CERS1: variants seen among roughly 807,000 people sequenced by gnomAD.
CERS1 encodes the protein ceramide synthase 1, also known as Embryonic growth/differentiation factor 1.
In CERS1, 16 loss-of-function variants were observed where a neutral mutation model predicts 35.7. That is an observed-to-expected ratio of 0.45 (90% confidence interval 0.30 to 0.68). CERS1 has a LOEUF of 0.68. Among genes scored for constraint, CERS1 ranks in the 30% least tolerant of loss-of-function variants. CERS1 has a pLI of 0.08. For missense variants in CERS1, 454 were observed against 453.9 expected, an observed-to-expected ratio of 1.00 and a Z score of 0.00; for synonymous variants, 243 against 201.6, an observed-to-expected ratio of 1.21 and a Z score of -1.74.
chr19:18,887,360 G>T (rs1568304019), intron 2 of CERS1, among the ~76,000 whole-genome samples: 1 of 152,188 alleles, frequency 6.6e-6, no homozygotes, highest in Non-Finnish European at 1.5e-5. Context: ...GGAGAGGACT[G>T]GTGAGTGACT....
intron 2 of CERS1, among the ~76,000 whole-genome samples, chr19:18,890,989 T>A (rs1461716408): frequency 2.0e-5 from 3 of 151,904 alleles, no homozygotes; most frequent in Non-Finnish European, 4.4e-5. Context: ...CCGAGGGTGG[T>A]GGCGCGTGCC....
chr19:18,884,525 A>C (rs2146034731), intron 2 of CERS1, among the ~76,000 whole-genome samples: 1 of 150,612 alleles, frequency 6.6e-6, no homozygotes, highest in Non-Finnish European at 1.5e-5. Flanking sequence ...CTCCTGCTTC[A>C]GCCTCCTGAG....
Position 18,878,801 on chromosome 19 carries a change from G to A in CERS1, c.1010+129C>T. ...CGCCTTTATTGCAGTCTCTGTTTTG[G>A]AGTAGGCTTGGGGGGCAGCATCCGC... On this transcript the variant is annotated intron_variant, in intron 6 of 7. Coordinates refer to ENST00000623882, the MANE Select transcript of CERS1 (RefSeq NM_021267.5). This position sits in a 1 kb window ranked among gnomAD's most constrained non-coding sequence, Gnocchi z 4.6. 1.4e-6 allele frequency: 2 copies of A among 1,479,868 alleles called. No homozygotes were observed. Among genetic ancestry groups the A allele is most frequent in the South Asian group, 2.7e-5 (2 of 74,612 alleles). 91.7% of individuals were successfully genotyped at this position (1,479,868 alleles called of 1,614,324 possible).
rs1338885062 is a variant in CERS1 at position 18,868,603 on chromosome 19, G to A, written c.*1382C>T. The stretch of plus-strand genomic sequence containing the variant: ...CGTCCCTGCCCGCCCCGGGTTAGCG[G>A]CAGCCGCACTCGTCCACCACCATGT... On this transcript the variant is annotated 3_prime_UTR_variant, in exon 8 of 8. Coordinates refer to ENST00000623882, the MANE Select transcript of CERS1 (RefSeq NM_021267.5). The A allele has an allele frequency of 1.3e-5, 21 of 1,557,866 alleles. No homozygotes were observed. The highest frequency in any genetic ancestry group is 1.8e-5 in the Non-Finnish European group (21 of 1,150,738).
At chr19:18,882,207 G>A (rs765792274) in intron 3 of CERS1, 23 of 154,426 alleles carry the variant, frequency 1.5e-4, no homozygotes, top group Admixed American at 1.0e-3. Context: ...TTGAATTATA[G>A]AACTTTCTAG....
chr19:18,884,392 C>T (rs4808165), intron 2 of CERS1, 125 bp from the exon 3 acceptor site: 666,098 of 791,794 alleles, frequency 0.84, 281,116 homozygotes, highest in Admixed American at 0.89. Flanking sequence ...GCGTGTCTGA[C>T]TGCTGGCTTT....
chr19:18,880,506 C>A, intron 3 of CERS1, 71 bp from the exon 4 acceptor site: 1 of 1,431,706 alleles, frequency 7.0e-7, no homozygotes, highest in Non-Finnish European at 9.4e-7. Flanking sequence ...CTAAGGCCCC[C>A]AGCAGAGTCC....
intron 6 of CERS1, chr19:18,877,955 A>T (rs2056091582): frequency 1.0e-6 from 1 of 983,364 alleles, no homozygotes; most frequent in African/African-American, 1.8e-5. Context: ...TCTACACCCA[A>T]GGCGAATCTG....
In CERS1 at chr19:18,892,434, G is replaced by A. The variant is rs545363142; in HGVS notation, c.409+982C>T. Among the ~76,000 whole-genome samples, 16 of 151,970 alleles carry A rather than the reference G, an allele frequency of 1.1e-4. No individual in the cohort carries two copies. The East Asian group carries it at 1.8e-3, about 17-fold the overall frequency. On this transcript the variant is annotated intron_variant, in intron 2 of 7. Coordinates refer to ENST00000623882, the MANE Select transcript of CERS1 (RefSeq NM_021267.5). ...TTGAGACCATCCTGGCTAACACGGT[G>A]AAACCCCGTCTCTACTAAAAATACA...
intron 2 of CERS1, among the ~76,000 whole-genome samples, chr19:18,884,613 T>A (rs2056304213): frequency 1.3e-5 from 2 of 151,664 alleles, no homozygotes; most frequent in South Asian, 4.2e-4. Flanking sequence ...TTCACTGTGT[T>A]ACCCAGGATG....
chr19:18,893,692 GT>G, intron 1 of CERS1, 117 bp from the exon 2 acceptor site: 1 of 1,052,988 alleles, frequency 9.5e-7, no homozygotes, highest in Non-Finnish European at 1.4e-6. Context: ...GGGAAGGCCT[GT>G]CCCCCATGCC....
At position 18,878,270 on chromosome 19, in the gene CERS1, G is replaced by A; in HGVS notation, c.1010+660C>T. 1 of 985,708 alleles carries A rather than the reference G, an allele frequency of 1.0e-6. No homozygotes were observed. Among genetic ancestry groups the A allele is most frequent in the Non-Finnish European group, 1.2e-6 (1 of 830,308 alleles). The allele number at this position is 985,708 out of a possible 1,614,324, so 61.1% of individuals were successfully genotyped here. On this transcript the variant is annotated intron_variant, in intron 6 of 7. Transcript: ENST00000623882. The surrounding 1 kb of genome is among the most constrained non-coding windows in gnomAD (Gnocchi z 4.6). Reference sequence around the variant, plus strand: ...CCGACTCTGCTTGTTACCCAGTTTGGCCTCCGTTCATCCCTGGCCCAGACA... The same window carrying A: ...CCGACTCTGCTTGTTACCCAGTTTGACCTCCGTTCATCCCTGGCCCAGACA...
intron 6 of CERS1, among the ~76,000 whole-genome samples, chr19:18,871,177 C>T (rs2055963207): frequency 6.6e-6 from 1 of 151,746 alleles, no homozygotes; most frequent in African/African-American, 2.4e-5. Context: ...CCCACCTCAG[C>T]CTCCAGAGTA....
intron 2 of CERS1, among the ~76,000 whole-genome samples, chr19:18,884,903 A>T (rs1183318923): frequency 6.7e-6 from 1 of 150,316 alleles, no homozygotes; most frequent in African/African-American, 2.5e-5. Context: ...TTTAGTAGAG[A>T]TGGGCTTTTG....
Position 18,878,621 on chromosome 19 carries a change from G to T in CERS1, c.1010+309C>A. The T allele has an allele frequency of 8.4e-7, 1 of 1,184,482 alleles. No individual in the cohort carries two copies. Among genetic ancestry groups the T allele is most frequent in the Non-Finnish European group, 1.1e-6 (1 of 947,930 alleles). The allele number at this position is 1,184,482 out of a possible 1,614,324, so 73.4% of individuals were successfully genotyped here. On this transcript the variant is annotated intron_variant, in intron 6 of 7. Coordinates refer to ENST00000623882, the MANE Select transcript of CERS1 (RefSeq NM_021267.5). This position sits in a 1 kb window ranked among gnomAD's most constrained non-coding sequence, Gnocchi z 4.6. ...AGCAACTACTCCTCACCACCCACAG[G>T]GCCCTGGCTCGCCACTCCCGCCACA...
At chr19:18,877,336 G>A (rs1555703833) in intron 6 of CERS1, among the ~76,000 whole-genome samples, 3 of 152,296 alleles carry the variant, frequency 2.0e-5, no homozygotes, top group East Asian at 1.9e-4. Flanking sequence ...TCCCCACCAT[G>A]AGCTCACTGT....
intron 2 of CERS1, among the ~76,000 whole-genome samples, chr19:18,892,227 T>G (rs936107890): frequency 1.3e-5 from 2 of 151,592 alleles, no homozygotes; most frequent in Non-Finnish European, 2.9e-5. Context: ...ACCAAGATGG[T>G]GCAAGCCGAG....
Position 18,878,801 on chromosome 19 carries a change from GA to G in CERS1, c.1010+128del, listed in dbSNP as rs2056115234. 2 of 1,479,868 alleles carry G rather than the reference GA, an allele frequency of 1.4e-6. No individual in the cohort carries two copies. The highest frequency in any genetic ancestry group is 5.0e-5 in the East Asian group (2 of 40,216). 91.7% of individuals were successfully genotyped at this position (1,479,868 alleles called of 1,614,324 possible). A position where few individuals can be genotyped will look rare whatever the true frequency, so the allele number is the denominator to read the frequency against. ...CGCCTTTATTGCAGTCTCTGTTTTG[GA>G]GTAGGCTTGGGGGGCAGCATCCGCG... On this transcript the variant is annotated intron_variant, in intron 6 of 7. Transcript: ENST00000623882. The surrounding 1 kb of genome is among the most constrained non-coding windows in gnomAD (Gnocchi z 4.6).
Position 18,878,457 on chromosome 19 carries a change from G to C in CERS1, c.1010+473C>G, listed in dbSNP as rs193060861. 1.8e-4 allele frequency: 178 copies of C among 992,552 alleles called. No individual in the cohort carries two copies. In the African/African-American group the frequency reaches 3.0e-3, roughly 17 times the overall value. 61.5% of individuals were successfully genotyped at this position (992,552 alleles called of 1,614,324 possible). On this transcript the variant is annotated intron_variant, in intron 6 of 7. Transcript: ENST00000623882. This position sits in a 1 kb window ranked among gnomAD's most constrained non-coding sequence, Gnocchi z 4.6. ...GTTTGGCCGGGCAGTGGGCTCCCCT[G>C]TCAAACTCAGAGGCCAGGATGTCTC...
Sources: allele counts gnomAD v4.1 joint callset (sites outside exome capture counted in the v4.1 genomes callset), GRCh38; gene constraint gnomAD v4.1.1; non-coding constraint Gnocchi (gnomAD v3.1); transcripts MANE v1.5; gene names NCBI Gene and HGNC (gene_info 2026-07-23, HGNC 2026-07-21).